Variants in PUDP observed in about 807,000 individuals in gnomAD.
PUDP encodes pseudouridine 5'-phosphatase, also known as pseudouridine-5'-phosphatase.
PUDP carries 8 observed loss-of-function variants against 9.4 expected under a neutral mutation model. The observed-to-expected ratio is 0.85, with a 90% CI of 0.50 to 1.53. The LOEUF (loss-of-function observed/expected upper bound fraction) is 1.53. Ranked by LOEUF, PUDP falls within the 40% of genes most tolerant of loss-of-function variation. PUDP has a pLI of 0.00. For missense variants in PUDP, 188 were observed against 189.7 expected (o/e 0.99, Z 0.05); for synonymous variants, 99 against 80.7 (o/e 1.23, Z -1.22).
chrX:7,028,381 A>C (rs1406658776), intron 1 of PUDP, among the ~76,000 whole-genome samples: 1 of 111,086 alleles, frequency 9.0e-6, no homozygotes, highest in Non-Finnish European at 1.9e-5. Context: ...TTTGCATCCT[A>C]GCCAAGTTAC....
At chrX:7,043,772 T>G (rs1228443655) in intron 1 of PUDP, among the ~76,000 whole-genome samples, 1 of 110,969 alleles carries the variant, frequency 9.0e-6, no homozygotes, top group Non-Finnish European at 1.9e-5. Context: ...GAATTAGCAG[T>G]GGGAGACAAG....
At chrX:7,006,083 A>C (rs948308554) in intron 1 of PUDP, among the ~76,000 whole-genome samples, 4 of 112,256 alleles carry the variant, frequency 3.6e-5, no homozygotes, top group Non-Finnish European at 7.5e-5. Context: ...TAATCTATCC[A>C]TGGACACTTG....
chrX:6,928,089 T>C (rs1161901453), intron 3 of PUDP, among the ~76,000 whole-genome samples: 1 of 108,590 alleles, frequency 9.2e-6, no homozygotes, highest in Non-Finnish European at 1.9e-5. Flanking sequence ...TGCACACCAC[T>C]AGGCGAGCTT....
chrX:6,945,632 T>C (rs1928453522), intron 3 of PUDP, among the ~76,000 whole-genome samples: 1 of 110,943 alleles, frequency 9.0e-6, no homozygotes, highest in Non-Finnish European at 1.9e-5. Flanking sequence ...GCAAGAATGT[T>C]TTTAAGAGGG....
rs1164251545 is a variant in PUDP at position 7,148,141 on chromosome X, G to A, written c.-28C>T. On this transcript the variant is annotated 5_prime_UTR_variant, in exon 1 of 4. Transcript: ENST00000381077. ...TGGCGCCTTCTGGGTCTGGGTGGGG[G>A]CGAGGAGGAAGTGCGCGCGCACCCG... The A allele has an allele frequency of 4.7e-6, 5 of 1,067,019 alleles. No homozygotes were observed. In the African/African-American group the frequency reaches 5.9e-5, roughly 13 times the overall value. 87.9% of individuals were successfully genotyped at this position (1,067,019 alleles called of 1,213,427 possible).
At position 6,896,785 on chromosome X, in the gene PUDP, C is replaced by T. The variant is rs140857150; in HGVS notation, c.*247+80348G>A. ...ATGGAGATGTAGACTTTTCTGTCTC[C>T]GGGCTGTTCCGGCCTTTGCTTCTAC... On this transcript the variant is annotated intron_variant and NMD_transcript_variant, in intron 3 of 3. Coordinates refer to the PUDP transcript ENST00000655425. Among the ~76,000 whole-genome samples the T allele has an allele frequency of 3.6e-3, 405 of 111,562 alleles. 3 individuals are homozygous for T. The highest frequency in any genetic ancestry group is 0.012 in the African/African-American group (382 of 30,761).
At chrX:6,801,289 T>C (rs1925928651) in intron 3 of PUDP, among the ~76,000 whole-genome samples, 1 of 112,341 alleles carries the variant, frequency 8.9e-6, no homozygotes, top group African/African-American at 3.2e-5. Flanking sequence ...CCCTGGGTTA[T>C]GTGGCAGACC....
At chrX:7,056,783 G>T (rs1289632605) in intron 3 of PUDP, among the ~76,000 whole-genome samples, 2 of 111,952 alleles carry the variant, frequency 1.8e-5, no homozygotes, top group African/African-American at 3.2e-5. Context: ...GGAATAGACA[G>T]AGCAAATGCA....
intron 3 of PUDP, among the ~76,000 whole-genome samples, chrX:6,801,812 T>G (rs17315650): frequency 0.14 from 16,161 of 111,512 alleles, 934 homozygotes; most frequent in East Asian, 0.25. Flanking sequence ...AGGTACGCCC[T>G]GTTAGTAGGT....
chrX:7,024,754 C>CTTTTTTTT (rs55692944), intron 1 of PUDP, among the ~76,000 whole-genome samples: 5 of 54,439 alleles, frequency 9.2e-5, no homozygotes, highest in African/African-American at 2.3e-4. Context: ...GCCCGGCTAA[C>CTTTTTTTT]TTTTTTTTTT....
chrX:7,142,269 A>G (rs1331552816), intron 1 of PUDP, among the ~76,000 whole-genome samples: 1 of 112,658 alleles, frequency 8.9e-6, no homozygotes, highest in African/African-American at 3.2e-5. Flanking sequence ...AACATTCATG[A>G]TCCATGGGAA....
At position 6,742,823 on chromosome X, in the gene PUDP, G is replaced by T. The variant is rs374202518; in HGVS notation, c.*248-36357C>A. Among the ~76,000 whole-genome samples the T allele has an allele frequency of 2.7e-5, 3 of 112,062 alleles. No individual in the cohort carries two copies. In the East Asian group the frequency reaches 8.4e-4, roughly 31 times the overall value. On this transcript the variant is annotated intron_variant and NMD_transcript_variant, in intron 3 of 3. Transcript: ENST00000655425. ...CCAAAAACAAACACAAAAAAATTTT[G>T]CTTATCCTTAAGTCAGATTAAAGAG...
intron 3 of PUDP, among the ~76,000 whole-genome samples, chrX:6,779,529 G>A (rs1569097240): frequency 8.9e-6 from 1 of 111,996 alleles, no homozygotes. Flanking sequence ...GATTCCAAGC[G>A]TTTCAACTGC....
At chrX:6,992,398 G>A (rs929460451) in intron 1 of PUDP, among the ~76,000 whole-genome samples, 2 of 92,080 alleles carry the variant, frequency 2.2e-5, no homozygotes, top group Admixed American at 1.3e-4. Context: ...TCAGCCTCCC[G>A]AGTAGCTGGG....
chrX:6,970,549 G>T (rs1928858275), intron 3 of PUDP, among the ~76,000 whole-genome samples: 1 of 111,242 alleles, frequency 9.0e-6, no homozygotes, highest in African/African-American at 3.3e-5. Context: ...TAAGCATTGA[G>T]CCCCTTTGCA....
chrX:7,034,382 C>T (rs1929827742), intron 1 of PUDP, among the ~76,000 whole-genome samples: 1 of 111,625 alleles, frequency 9.0e-6, no homozygotes, highest in Non-Finnish European at 1.9e-5. Flanking sequence ...AAAGTTCAAA[C>T]TTCTATGTGG....
At chrX:6,998,626 C>CA (rs1246873696) in intron 1 of PUDP, among the ~76,000 whole-genome samples, 1 of 112,047 alleles carries the variant, frequency 8.9e-6, no homozygotes, top group African/African-American at 3.2e-5. Flanking sequence ...CAATTTGTAC[C>CA]TCACTTTGAG....
At chrX:6,984,517 G>T (rs1469280950) in intron 1 of PUDP, among the ~76,000 whole-genome samples, 3 of 111,330 alleles carry the variant, frequency 2.7e-5, no homozygotes, top group Admixed American at 9.6e-5. Context: ...GTGGAGGTGG[G>T]TTAAGTTTTA....
At chrX:7,136,624 A>G (rs1468467425) in intron 1 of PUDP, among the ~76,000 whole-genome samples, 2 of 111,559 alleles carry the variant, frequency 1.8e-5, no homozygotes, top group East Asian at 5.6e-4. Context: ...TAAAAAATAT[A>G]TAGACAGAGT....
Sources: allele counts gnomAD v4.1 joint callset (sites outside exome capture counted in the v4.1 genomes callset), GRCh38; gene constraint gnomAD v4.1.1; transcripts MANE v1.5; gene names NCBI Gene and HGNC (gene_info 2026-07-23, HGNC 2026-07-21).